SNX24: variants seen among roughly 807,000 people sequenced by gnomAD.
The protein encoded by SNX24 is sorting nexin 24.
In SNX24, 22 loss-of-function variants were observed where a neutral mutation model predicts 28.7. The ratio of observed to expected loss-of-function variants is 0.77; its 90% CI spans 0.55 to 1.10. The LOEUF is 1.10. Ranked by LOEUF, SNX24 falls within the 50% of genes least tolerant of loss-of-function variation. The pLI, the probability that SNX24 is intolerant of heterozygous loss-of-function variation, is 0.00. For synonymous variants in SNX24, 69 were observed against 71.5 expected, an observed-to-expected ratio of 0.96 and a Z score of 0.18; for missense variants, 221 against 201.1, an observed-to-expected ratio of 1.10 and a Z score of -0.60.
At chr5:122,864,651 A>T (rs920782123) in intron 1 of SNX24, among the ~76,000 whole-genome samples, 2 of 152,230 alleles carry the variant, frequency 1.3e-5, no homozygotes, top group Non-Finnish European at 2.9e-5. Flanking sequence ...GCACTGAGTC[A>T]GTTCCTGGGT....
At chr5:122,987,390 C>T (rs910713746) in intron 3 of SNX24, among the ~76,000 whole-genome samples, 7 of 152,286 alleles carry the variant, frequency 4.6e-5, no homozygotes, top group African/African-American at 1.4e-4. Flanking sequence ...TTAACAAGCC[C>T]TCTAGGCGAT....
chr5:122,916,193 C>A (rs1254321384), intron 1 of SNX24, among the ~76,000 whole-genome samples: 1 of 152,360 alleles, frequency 6.6e-6, no homozygotes, highest in South Asian at 2.1e-4. Context: ...AACACACAGA[C>A]TTTCCACTGT....
At chr5:122,885,688 A>G (rs1165326113) in intron 1 of SNX24, among the ~76,000 whole-genome samples, 1 of 152,168 alleles carries the variant, frequency 6.6e-6, no homozygotes, top group African/African-American at 2.4e-5. Flanking sequence ...ATGAGCAGCC[A>G]GTTAAGGTTA....
chr5:122,963,717 A>G (rs1760580610), intron 3 of SNX24, among the ~76,000 whole-genome samples: 1 of 152,180 alleles, frequency 6.6e-6, no homozygotes, highest in African/African-American at 2.4e-5. Flanking sequence ...TTTTAGCTTG[A>G]TGACTCCAGT....
At chr5:122,860,103 T>A (rs527797738) in intron 1 of SNX24, among the ~76,000 whole-genome samples, 11 of 152,302 alleles carry the variant, frequency 7.2e-5, no homozygotes, top group African/African-American at 2.6e-4. Flanking sequence ...TAATACAGAT[T>A]CTTTACAGAT....
intron 1 of SNX24, among the ~76,000 whole-genome samples, chr5:122,922,497 C>T (rs1758478103): frequency 6.6e-6 from 1 of 152,066 alleles, no homozygotes; most frequent in South Asian, 2.1e-4. Flanking sequence ...AGGTGATCCA[C>T]CCACCTCAGC....
intron 3 of SNX24, 110 bp downstream of exon 3, chr5:122,946,269 T>G (rs1188565286): frequency 7.1e-6 from 4 of 560,412 alleles, no homozygotes; most frequent in Non-Finnish European, 1.2e-5. Flanking sequence ...AGCCAAAGAT[T>G]CTAAATTAAA....
chr5:122,912,505 A>G (rs367604164), intron 1 of SNX24, among the ~76,000 whole-genome samples: 1 of 151,974 alleles, frequency 6.6e-6, no homozygotes, highest in Non-Finnish European at 1.5e-5. Flanking sequence ...TTCCAACACT[A>G]TGTTGAATAG....
At chr5:122,900,210 G>T (rs2150078578) in intron 1 of SNX24, among the ~76,000 whole-genome samples, 2 of 151,616 alleles carry the variant, frequency 1.3e-5, no homozygotes, top group African/African-American at 4.8e-5. Context: ...TTGAGATGAG[G>T]TCTCACTGTG....
chr5:122,872,351 T>C (rs1236694436), intron 1 of SNX24, among the ~76,000 whole-genome samples: 1 of 152,046 alleles, frequency 6.6e-6, no homozygotes, highest in Non-Finnish European at 1.5e-5. Flanking sequence ...CAACTACCTT[T>C]CTGTGCTGTA....
chr5:122,957,302 T>C (rs1313675719), intron 3 of SNX24, among the ~76,000 whole-genome samples: 1 of 152,228 alleles, frequency 6.6e-6, no homozygotes, highest in African/African-American at 2.4e-5. Flanking sequence ...ATCTTGGCAC[T>C]CTTCTCAAAA....
intron 4 of SNX24, among the ~76,000 whole-genome samples, chr5:123,000,858 C>A (rs1209063378): frequency 6.6e-6 from 1 of 152,138 alleles, no homozygotes; most frequent in Non-Finnish European, 1.5e-5. Context: ...CTGAAGGAAC[C>A]ACACTTAACT....
At chr5:122,876,045 A>T (rs1288531656) in intron 1 of SNX24, among the ~76,000 whole-genome samples, 1 of 152,194 alleles carries the variant, frequency 6.6e-6, no homozygotes, top group East Asian at 1.9e-4. Flanking sequence ...GGGTTTTGCC[A>T]TGTTGGCCAG....
intron 1 of SNX24, among the ~76,000 whole-genome samples, chr5:122,910,243 C>T (rs561493298): frequency 3.0e-4 from 46 of 152,252 alleles, no homozygotes; most frequent in African/African-American, 1.1e-3. Flanking sequence ...GTCTTGAGAC[C>T]TCAGCTCTCC....
intron 1 of SNX24, among the ~76,000 whole-genome samples, chr5:122,923,959 G>A (rs540241662): frequency 6.6e-6 from 1 of 152,370 alleles, no homozygotes; most frequent in South Asian, 2.1e-4. Flanking sequence ...TAATGAGAAT[G>A]TGGTATTTTT....
chr5:122,863,794 A>G (rs528834023), intron 1 of SNX24, among the ~76,000 whole-genome samples: 1 of 152,236 alleles, frequency 6.6e-6, no homozygotes, highest in East Asian at 1.9e-4. Context: ...GGCTAAAGGG[A>G]TCATCCCACC....
chr5:122,926,096 T>G (rs431878), intron 1 of SNX24, among the ~76,000 whole-genome samples: 117,175 of 152,098 alleles, frequency 0.77, 46,010 homozygotes, highest in East Asian at 0.99. Context: ...GATAGAGAAT[T>G]ATGGGAGCTA....
In SNX24 at chr5:122,875,252, T is replaced by C. The variant is rs145747357; in HGVS notation, c.60+29559T>C. Among the ~76,000 whole-genome samples, 512 of 152,350 alleles carry C rather than the reference T, an allele frequency of 3.4e-3. 4 individuals carry two copies. The highest frequency in any genetic ancestry group is 0.012 in the African/African-American group (488 of 41,576). On this transcript the variant is annotated intron_variant, in intron 1 of 6. Transcript: ENST00000261369. Reference sequence around the variant, plus strand: ...TTATATGTGCCCAGTAGAGACACTGTATTAAAACTGATTAATGATATAATT... The same window carrying C: ...TTATATGTGCCCAGTAGAGACACTGCATTAAAACTGATTAATGATATAATT...
At chr5:122,855,222 C>T (rs1755128940) in intron 1 of SNX24, among the ~76,000 whole-genome samples, 1 of 152,160 alleles carries the variant, frequency 6.6e-6, no homozygotes, top group Non-Finnish European at 1.5e-5. Context: ...CAGGTGCAGG[C>T]CACTATGCCC....
Sources: gnomAD v4.1 joint callset for allele counts (sites outside exome capture counted in the v4.1 genomes callset) on GRCh38, gnomAD v4.1.1 for gene constraint, MANE v1.5 for transcripts, NCBI Gene and HGNC (gene_info 2026-07-23, HGNC 2026-07-21) for gene names.